The following PIK3C2G variants were observed in gnomAD, a reference collection of about 807,000 sequenced individuals.
PIK3C2G encodes phosphatidylinositol-4-phosphate 3-kinase catalytic subunit type 2 gamma.
PIK3C2G carries 168 observed loss-of-function variants against 181.1 expected under a neutral mutation model. The observed-to-expected ratio is 0.93, with a 90% CI of 0.82 to 1.05. PIK3C2G has a LOEUF of 1.05. Ranked by LOEUF, PIK3C2G falls within the 50% of genes least tolerant of loss-of-function variation. The pLI is 0.00. For synonymous variants in PIK3C2G, 573 were observed against 592.2 expected (o/e 0.97, Z 0.47); for missense variants, 1,869 against 1,732.8 (o/e 1.08, Z -1.40).
chr12:18,266,348 A>G (rs1466449506), intron 1 of PIK3C2G, among the ~76,000 whole-genome samples: 1 of 152,170 alleles, frequency 6.6e-6, no homozygotes, highest in Non-Finnish European at 1.5e-5. Flanking sequence ...ACAAAACAGC[A>G]TATTTTATCC....
chr12:18,698,811 A>G, the PIK3C2G span, among the ~76,000 whole-genome samples: 1 of 152,166 alleles, frequency 6.6e-6, no homozygotes, highest in Non-Finnish European at 1.5e-5. Flanking sequence ...TTATTTTTAA[A>G]TGTACAATAA....
rs767447877 is a variant in PIK3C2G at position 18,423,979 on chromosome 12, T to C, written c.2444T>C (p.Leu815Ser). The C allele has an allele frequency of 1.9e-6, 3 of 1,611,652 alleles. No individual in the cohort carries two copies. The highest frequency in any genetic ancestry group is 1.1e-5 in the South Asian group (1 of 90,552). The change falls in exon 18 of 33, where the codon TTA (leucine) becomes TCA (serine). Residue 815 changes from leucine (L) to serine (S), a missense_variant. By Grantham distance (145) the Leu-to-Ser change is moderately radical (BLOSUM62 -2). Transcript: ENST00000538779. ...VKFEWNLESP[L>S]VQLLLHRSLQ... ...TTTGAATGGAACCTTGAGAGTCCTT[T>C]AGTGCAACTTCTACTCCACCGCTCC... is the stretch of plus-strand genomic sequence containing the variant.
At chr12:18,669,803 G>A in the PIK3C2G span, among the ~76,000 whole-genome samples, 19 of 152,052 alleles carry the variant, frequency 1.2e-4, no homozygotes, top group Non-Finnish European at 2.5e-4. Flanking sequence ...GATTACAGGC[G>A]TGTGCCACCA....
At chr12:18,325,706 CAAAAA>C (rs34711642) in intron 8 of PIK3C2G, among the ~76,000 whole-genome samples, 2 of 61,612 alleles carry the variant, frequency 3.2e-5, no homozygotes. Context: ...GACTCAGTCT[CAAAAA>C]AAAAAAAAAA....
the PIK3C2G span, among the ~76,000 whole-genome samples, chr12:18,679,193 A>G: frequency 9.5e-4 from 144 of 152,052 alleles, no homozygotes; most frequent in Non-Finnish European, 1.8e-3. Context: ...TTAAGGTGTA[A>G]GTATTCTTCA....
intron 16 of PIK3C2G, among the ~76,000 whole-genome samples, chr12:18,410,014 T>G (rs1249830890): frequency 6.6e-6 from 1 of 152,098 alleles, no homozygotes; most frequent in African/African-American, 2.4e-5. Context: ...TCTGCCCCCA[T>G]GAGTGAATCA....
At chr12:18,428,751 T>G (rs1037846742) in intron 18 of PIK3C2G, among the ~76,000 whole-genome samples, 4 of 152,192 alleles carry the variant, frequency 2.6e-5, no homozygotes, top group African/African-American at 9.6e-5. Context: ...AGCCCCTATT[T>G]TCCAAGGCAA....
intron 26 of PIK3C2G, among the ~76,000 whole-genome samples, chr12:18,556,804 T>G (rs967927442): frequency 6.6e-6 from 1 of 152,094 alleles, no homozygotes; most frequent in Non-Finnish European, 1.5e-5. Context: ...TTAGAAATGG[T>G]GAACACTGGG....
At chr12:18,373,754 G>A (rs1300057749) in intron 13 of PIK3C2G, among the ~76,000 whole-genome samples, 1 of 152,070 alleles carries the variant, frequency 6.6e-6, no homozygotes, top group Non-Finnish European at 1.5e-5. Flanking sequence ...TCGGGAGGCT[G>A]AGGCAGGAGA....
chr12:18,655,824 G>GA, the PIK3C2G span, among the ~76,000 whole-genome samples: 120,130 of 151,760 alleles, frequency 0.79, 47,609 homozygotes, highest in Admixed American at 0.82. Context: ...TAGTACTCCT[G>GA]AAACTGTCAA....
intron 1 of PIK3C2G, among the ~76,000 whole-genome samples, chr12:18,248,409 A>T (rs1948062994): frequency 6.6e-6 from 1 of 151,532 alleles, no homozygotes. Flanking sequence ...CGTCTCTACT[A>T]AAAAAAATAC....
chr12:18,468,015 A>G (rs1938082666), intron 18 of PIK3C2G, among the ~76,000 whole-genome samples: 1 of 152,032 alleles, frequency 6.6e-6, no homozygotes, highest in South Asian at 2.1e-4. Flanking sequence ...CTACATAAAC[A>G]TAAACTGCCA....
intron 31 of PIK3C2G, among the ~76,000 whole-genome samples, chr12:18,630,903 G>C (rs1949323732): frequency 6.6e-6 from 1 of 152,054 alleles, no homozygotes. Context: ...TTGAGGATCA[G>C]ACTGAGAATT....
At chr12:18,432,341 T>C (rs188553690) in intron 18 of PIK3C2G, among the ~76,000 whole-genome samples, 3 of 152,262 alleles carry the variant, frequency 2.0e-5, no homozygotes, top group Admixed American at 6.5e-5. Flanking sequence ...ACATTATGTA[T>C]ATACATAATG....
At chr12:18,372,904 G>C (rs1942168124) in intron 13 of PIK3C2G, among the ~76,000 whole-genome samples, 1 of 152,052 alleles carries the variant, frequency 6.6e-6, no homozygotes, top group Non-Finnish European at 1.5e-5. Context: ...ATGGCATCTG[G>C]GACTGATCCT....
chr12:18,631,853 T>C (rs73070261), intron 31 of PIK3C2G, among the ~76,000 whole-genome samples: 6,396 of 152,200 alleles, frequency 0.042, 145 homozygotes, highest in Middle Eastern at 0.078. Flanking sequence ...TTGAAGTTTA[T>C]TGAGTGTAAG....
chr12:18,653,804 TA>T, the PIK3C2G span, among the ~76,000 whole-genome samples: 3 of 152,118 alleles, frequency 2.0e-5, no homozygotes, highest in Admixed American at 6.6e-5. Flanking sequence ...TATTAACATT[TA>T]AAATAAAATA....
At chr12:18,519,467 G>A (rs1353438110) in intron 24 of PIK3C2G, among the ~76,000 whole-genome samples, 1 of 152,134 alleles carries the variant, frequency 6.6e-6, no homozygotes, top group African/African-American at 2.4e-5. Flanking sequence ...TTACCATTAT[G>A]TAATGCCCTT....
At chr12:18,451,865 G>C (rs142768228) in intron 18 of PIK3C2G, among the ~76,000 whole-genome samples, 27 of 152,278 alleles carry the variant, frequency 1.8e-4, no homozygotes, top group African/African-American at 5.8e-4. Flanking sequence ...TTATGTGATG[G>C]ATTATGTTGA....
Sources: gnomAD v4.1 joint callset for allele counts (sites outside exome capture counted in the v4.1 genomes callset) on GRCh38, gnomAD v4.1.1 for gene constraint, MANE v1.5 for transcripts, NCBI Gene and HGNC (gene_info 2026-07-23, HGNC 2026-07-21) for gene names.